Variants in FAT3 observed in about 807,000 individuals in gnomAD.
The protein encoded by FAT3 is FAT atypical cadherin 3.
Under a neutral mutation model 310.2 loss-of-function variants are expected in FAT3, and 95 were observed. That is an observed-to-expected ratio of 0.31 (90% CI 0.26 to 0.36). FAT3 has a LOEUF of 0.36. Among genes scored for constraint, FAT3 ranks in the 10% least tolerant of loss-of-function variants. The pLI is 1.00. For synonymous variants in FAT3, 2,314 were observed against 2,192.9 expected (o/e 1.06, Z -1.54); for missense variants, 5,408 against 5,715.6 (o/e 0.95, Z 1.74).
intron 1 of FAT3, among the ~76,000 whole-genome samples, chr11:92,316,312 A>G (rs374158832): frequency 6.6e-6 from 1 of 152,200 alleles, no homozygotes; most frequent in Non-Finnish European, 1.5e-5. Context: ...TTCAGTACTC[A>G]GACGCAATCT....
At chr11:92,566,482 A>C (rs1241079426) in intron 3 of FAT3, among the ~76,000 whole-genome samples, 2 of 152,034 alleles carry the variant, frequency 1.3e-5, no homozygotes, top group African/African-American at 4.8e-5. Context: ...TATAGATTCA[A>C]TGCCATCCCC....
At chr11:92,365,155 A>G (rs1231971394) in intron 2 of FAT3, among the ~76,000 whole-genome samples, 4 of 152,154 alleles carry the variant, frequency 2.6e-5, no homozygotes, top group African/African-American at 9.7e-5. Context: ...CTGTGGTCCC[A>G]GCTACATGGG....
Position 92,799,215 on chromosome 11 carries a change from G to A in FAT3, c.6202G>A (p.Val2068Met), listed in dbSNP as rs757046323. ...RELDHLRVAR[V>M]VVRVNIEDIN... ...GCTGGACCATCTGCGTGTGGCCAGA[G>A]TGGTGGTCAGGGTTAACATTGAAGA... is the stretch of plus-strand genomic sequence containing the variant. Residue 2068 changes from valine (V) to methionine (M), a missense_variant, in exon 10 of 28, where the codon GTG (valine) becomes ATG (methionine). Val to Met is a conservative substitution (Grantham distance 21, BLOSUM62 1). Transcript: ENST00000525166. The A allele has an allele frequency of 1.2e-6, 2 of 1,613,974 alleles. No individual in the cohort carries two copies. The highest frequency in any genetic ancestry group is 1.7e-5 in the Admixed American group (1 of 60,020).
intron 3 of FAT3, among the ~76,000 whole-genome samples, chr11:92,588,207 A>AT (rs11394543): frequency 0.22 from 32,927 of 149,712 alleles, 4,236 homozygotes; most frequent in African/African-American, 0.37. Flanking sequence ...TTTACCTTGG[A>AT]TTTTTTTTTT....
chr11:92,428,323 A>G (rs1240792329), intron 2 of FAT3, among the ~76,000 whole-genome samples: 1 of 151,310 alleles, frequency 6.6e-6, no homozygotes, highest in Non-Finnish European at 1.5e-5. Context: ...TCAAAAAAAA[A>G]AAAACAGCCC....
intron 9 of FAT3, among the ~76,000 whole-genome samples, chr11:92,796,891 C>T (rs1422643824): frequency 6.6e-6 from 1 of 152,180 alleles, no homozygotes; most frequent in African/African-American, 2.4e-5. Flanking sequence ...CTGTAAACTA[C>T]TACAGTGTCA....
In FAT3 at chr11:92,606,807, AACT is replaced by A. The variant is rs1159894713; in HGVS notation, c.3607+81863_3607+81865del. Among the ~76,000 whole-genome samples, 3 of 152,328 alleles carry A rather than the reference AACT, an allele frequency of 2.0e-5. No individual in the cohort carries two copies. The East Asian group carries it at 5.8e-4, about 29-fold the overall frequency. On this transcript the variant is annotated intron_variant, in intron 3 of 27. Coordinates refer to ENST00000525166, the MANE Select transcript of FAT3 (RefSeq NM_001367949.2). ...TGTCAAAATCACAAGCCTGTTTCTT[AACT>A]ACTTTGTATAGGCTTTGGAGCAGAT...
intron 3 of FAT3, among the ~76,000 whole-genome samples, chr11:92,604,915 AG>A (rs1290489278): frequency 1.6e-4 from 24 of 152,296 alleles, no homozygotes; most frequent in African/African-American, 5.8e-4. Context: ...AACCATTTTG[AG>A]TTATGTTTCC....
chr11:92,343,970 G>A (rs1270707049), intron 1 of FAT3, among the ~76,000 whole-genome samples: 2 of 152,132 alleles, frequency 1.3e-5, no homozygotes, highest in African/African-American at 4.8e-5. Context: ...TTGCAGTATA[G>A]GTGTGGGGTA....
intron 2 of FAT3, among the ~76,000 whole-genome samples, chr11:92,387,914 A>G (rs1257222314): frequency 1.3e-5 from 2 of 152,154 alleles, no homozygotes; most frequent in East Asian, 1.9e-4. Flanking sequence ...GCTAAGTTCT[A>G]TCTTCTTAGA....
At position 92,882,446 on chromosome 11, in the gene FAT3, C is replaced by A. The variant is rs184911372; in HGVS notation, c.12282-292C>A. 6.5e-3 allele frequency among the ~76,000 whole-genome samples: 992 copies of A among 152,224 alleles called. 9 individuals carry two copies. The highest frequency in any genetic ancestry group is 0.023 in the African/African-American group (947 of 41,532). On this transcript the variant is annotated intron_variant, in intron 23 of 27. Coordinates refer to ENST00000525166, the MANE Select transcript of FAT3 (RefSeq NM_001367949.2). ...CTTTCTCTTTCTCCTCCTCTCCTCT[C>A]CCACCTCAGTCTCTTCCTTTCCCCC...
intron 26 of FAT3, 32 bp from the exon 27 acceptor site, chr11:92,889,824 T>C: frequency 1.4e-6 from 1 of 717,774 alleles, no homozygotes; most frequent in Non-Finnish European, 2.6e-6. Context: ...GTTTGGACTG[T>C]CAGTTTTACT....
At chr11:92,610,319 A>G (rs937229549) in intron 3 of FAT3, among the ~76,000 whole-genome samples, 6 of 152,178 alleles carry the variant, frequency 3.9e-5, no homozygotes, top group African/African-American at 1.4e-4. Context: ...TTTAGACACA[A>G]CCAGGACTTT....
intron 3 of FAT3, among the ~76,000 whole-genome samples, chr11:92,565,518 T>G (rs997849823): frequency 1.1e-4 from 17 of 150,284 alleles, no homozygotes; most frequent in African/African-American, 3.7e-4. Context: ...AAAGAGGGAA[T>G]CCTCCCTAAC....
intron 3 of FAT3, among the ~76,000 whole-genome samples, chr11:92,666,174 A>G (rs1942942997): frequency 6.6e-6 from 1 of 152,224 alleles, no homozygotes; most frequent in Non-Finnish European, 1.5e-5. Context: ...AAAAGGGTTC[A>G]GTTATAAAAG....
chr11:92,800,830 G>C lies in FAT3; in HGVS notation c.7817G>C (p.Arg2606Thr). ...CCCCAGTTCATGACAGTGGAATATA[G>C]AGCCAGTGTCAGGGCAGATGTTGGA... is the stretch of plus-strand genomic sequence containing the variant. Reference protein sequence around the residue: ...NAPQFMTVEYRASVRADVGRG... With the variant: ...NAPQFMTVEYTASVRADVGRG... Residue 2606 changes from arginine to threonine, a missense_variant, in exon 10 of 28, where the codon AGA becomes ACA. Around this residue, in one of 5 missense-constraint regions of FAT3, gnomAD observed 4,588 missense variants for 4,809.8 expected, o/e 0.95. Coordinates refer to ENST00000525166, the MANE Select transcript of FAT3 (RefSeq NM_001367949.2). The C allele has an allele frequency of 1.2e-6, 2 of 1,613,800 alleles. No individual in the cohort carries two copies. The highest frequency in any genetic ancestry group is 2.2e-5 in the South Asian group (2 of 91,048).
At chr11:92,538,256 C>T (rs138265288) in intron 3 of FAT3, among the ~76,000 whole-genome samples, 9 of 152,094 alleles carry the variant, frequency 5.9e-5, no homozygotes, top group Non-Finnish European at 1.3e-4. Flanking sequence ...ATGATAAACA[C>T]CTGTTTTCTC....
intron 1 of FAT3, among the ~76,000 whole-genome samples, chr11:92,229,183 T>G (rs951257420): frequency 2.6e-5 from 4 of 152,168 alleles, no homozygotes; most frequent in African/African-American, 9.7e-5. Context: ...TGTATGCAGT[T>G]TTACTTATTG....
chr11:92,377,431 A>G (rs890566404), intron 2 of FAT3, among the ~76,000 whole-genome samples: 2 of 152,204 alleles, frequency 1.3e-5, no homozygotes, highest in Non-Finnish European at 2.9e-5. Context: ...TTTTGTCTGT[A>G]TTAAGATTCT....
Sources: allele counts gnomAD v4.1 joint callset (sites outside exome capture counted in the v4.1 genomes callset), GRCh38; gene constraint gnomAD v4.1.1; regional missense constraint gnomAD v4.1.1; transcripts MANE v1.5; gene names NCBI Gene and HGNC (gene_info 2026-07-23, HGNC 2026-07-21).